The following LRRC4C variants were observed in gnomAD, a reference collection of about 807,000 sequenced individuals.
LRRC4C encodes the protein leucine rich repeat containing 4C.
A neutral mutation model predicts 33.6 loss-of-function variants in LRRC4C; 5 were observed. The ratio of observed to expected loss-of-function variants is 0.15; its 90% CI spans 0.08 to 0.31. LRRC4C has a LOEUF of 0.31. Among genes scored for constraint, LRRC4C ranks in the 10% least tolerant of loss-of-function variants. LRRC4C has a pLI of 1.00. For synonymous variants in LRRC4C, 329 were observed against 302.0 expected (o/e 1.09, Z -0.93); for missense variants, 560 against 796.7 (o/e 0.70, Z 3.58).
intron 2 of LRRC4C, among the ~76,000 whole-genome samples, chr11:40,814,064 C>T (rs1951604197): frequency 6.6e-6 from 1 of 152,114 alleles, no homozygotes; most frequent in Non-Finnish European, 1.5e-5. Flanking sequence ...TGGCCCTCTT[C>T]TCACGGTTCC....
chr11:41,206,344 T>C (rs1211752213), intron 1 of LRRC4C, among the ~76,000 whole-genome samples: 2 of 152,154 alleles, frequency 1.3e-5, no homozygotes, highest in African/African-American at 2.4e-5. Flanking sequence ...ACACATAGGA[T>C]ATCTTCTGAA....
chr11:40,977,522 T>C (rs1852174200), intron 1 of LRRC4C, among the ~76,000 whole-genome samples: 2 of 152,104 alleles, frequency 1.3e-5, no homozygotes, highest in African/African-American at 4.8e-5. Context: ...CTTAAGACTC[T>C]GTGTCTTCCA....
intron 3 of LRRC4C, among the ~76,000 whole-genome samples, chr11:40,588,006 G>A (rs1394893345): frequency 1.3e-5 from 2 of 151,976 alleles, no homozygotes; most frequent in Non-Finnish European, 2.9e-5. Context: ...GAGTTAGGGA[G>A]GATTCCTTCT....
At chr11:40,662,951 C>A (rs1340521795) in intron 2 of LRRC4C, among the ~76,000 whole-genome samples, 1 of 152,156 alleles carries the variant, frequency 6.6e-6, no homozygotes, top group Non-Finnish European at 1.5e-5. Context: ...TAGAAATCAT[C>A]ATAATAATGT....
chr11:40,928,923 A>G (rs1051343193), intron 2 of LRRC4C, among the ~76,000 whole-genome samples: 5 of 152,216 alleles, frequency 3.3e-5, no homozygotes, highest in African/African-American at 1.2e-4. Flanking sequence ...AAGCAAATTT[A>G]AAACACTAAA....
At chr11:40,454,354 G>GA (rs1952035858) in intron 3 of LRRC4C, among the ~76,000 whole-genome samples, 1 of 151,878 alleles carries the variant, frequency 6.6e-6, no homozygotes, top group Admixed American at 6.6e-5. Flanking sequence ...GAGAGCTATA[G>GA]AATATGTTGA....
intron 3 of LRRC4C, among the ~76,000 whole-genome samples, chr11:40,401,621 A>G (rs1565352686): frequency 6.6e-6 from 1 of 152,148 alleles, no homozygotes; most frequent in Non-Finnish European, 1.5e-5. Context: ...AGCTCACCAA[A>G]TCTAAAGCAA....
At chr11:40,936,063 T>A (rs1339973016) in intron 1 of LRRC4C, among the ~76,000 whole-genome samples, 33 of 92,764 alleles carry the variant, frequency 3.6e-4, no homozygotes, top group Non-Finnish European at 5.9e-4. Context: ...TATATATATA[T>A]ATAACATAGT....
intron 3 of LRRC4C, among the ~76,000 whole-genome samples, chr11:40,424,057 G>T (rs1387389485): frequency 6.6e-6 from 1 of 152,152 alleles, no homozygotes; most frequent in Non-Finnish European, 1.5e-5. Flanking sequence ...CTAGCAAGGT[G>T]ATGTCAGACT....
chr11:40,870,304 GT>G (rs1384713382), intron 2 of LRRC4C, among the ~76,000 whole-genome samples: 1 of 152,100 alleles, frequency 6.6e-6, no homozygotes, highest in Non-Finnish European at 1.5e-5. Context: ...GGGGGTTGCT[GT>G]GCTCCATGAA....
At chr11:40,967,932 G>A (rs1851472745) in intron 1 of LRRC4C, among the ~76,000 whole-genome samples, 3 of 151,830 alleles carry the variant, frequency 2.0e-5, no homozygotes, top group African/African-American at 7.3e-5. Flanking sequence ...GTGTTCCAGT[G>A]TAAGAAAAAA....
rs138400342 is a variant in LRRC4C, at chr11:41,452,214, G to A, written c.-496+7217C>T. Among the ~76,000 whole-genome samples the A allele has an allele frequency of 4.1e-4, 62 of 152,190 alleles. 2 individuals are homozygous for A. In the East Asian group the frequency reaches 0.012, roughly 28 times the overall value. Reference sequence around the variant, plus strand: ...AAAAATGTACACCCTGCACCATTGTGTGCTTACTTGGCCTTTGTTTCTGTG... The same window carrying A: ...AAAAATGTACACCCTGCACCATTGTATGCTTACTTGGCCTTTGTTTCTGTG... On this transcript the variant is annotated intron_variant, in intron 1 of 6. Transcript: ENST00000528697.
intron 3 of LRRC4C, among the ~76,000 whole-genome samples, chr11:40,374,006 C>A (rs1948563068): frequency 6.6e-6 from 1 of 152,060 alleles, no homozygotes. Context: ...AAATAATTGG[C>A]CTTCACAAAA....
At chr11:40,778,658 T>C (rs1950103783) in intron 2 of LRRC4C, among the ~76,000 whole-genome samples, 1 of 152,108 alleles carries the variant, frequency 6.6e-6, no homozygotes. Context: ...GCTGGCTAAA[T>C]AGATTGATCA....
chr11:40,594,744 C>T (rs931726718), intron 3 of LRRC4C, among the ~76,000 whole-genome samples: 12 of 151,966 alleles, frequency 7.9e-5, no homozygotes, highest in Admixed American at 3.3e-4. Context: ...TAGGGTGTCT[C>T]CAGTCATTGA....
At chr11:40,725,315 G>T (rs185110676) in intron 2 of LRRC4C, among the ~76,000 whole-genome samples, 183 of 152,176 alleles carry the variant, frequency 1.2e-3, no homozygotes, top group Non-Finnish European at 3.2e-4. Context: ...GACCATCCTG[G>T]CCAACATAGT....
intron 2 of LRRC4C, among the ~76,000 whole-genome samples, chr11:40,698,615 G>A (rs1445215969): frequency 6.6e-6 from 1 of 152,156 alleles, no homozygotes; most frequent in Non-Finnish European, 1.5e-5. Flanking sequence ...AAATTAAAAA[G>A]TCAAAAGGAA....
At chr11:40,877,561 A>G (rs1954966228) in intron 2 of LRRC4C, among the ~76,000 whole-genome samples, 1 of 152,198 alleles carries the variant, frequency 6.6e-6, no homozygotes, top group Admixed American at 6.5e-5. Context: ...AAAGGGAAAC[A>G]CATGCCACCT....
intron 1 of LRRC4C, among the ~76,000 whole-genome samples, chr11:40,954,378 A>T (rs1370966979): frequency 6.6e-6 from 1 of 151,838 alleles, no homozygotes; most frequent in Non-Finnish European, 1.5e-5. Flanking sequence ...ATTCATAATG[A>T]TTTTTGTTTC....
Sources: allele counts gnomAD v4.1 joint callset (sites outside exome capture counted in the v4.1 genomes callset), GRCh38; gene constraint gnomAD v4.1.1; transcripts MANE v1.5; gene names NCBI Gene and HGNC (gene_info 2026-07-23, HGNC 2026-07-21).